RGS7: variants seen among roughly 807,000 people sequenced by gnomAD.
RGS7 encodes the protein regulator of G protein signaling 7, also known as regulator of G-protein signaling 7.
A neutral mutation model predicts 81.1 loss-of-function variants in RGS7; 27 were observed. The observed-to-expected ratio is 0.33, with a 90% CI of 0.25 to 0.46. RGS7 has a LOEUF of 0.46. Ranked by LOEUF, RGS7 falls within the 20% of genes least tolerant of loss-of-function variation. The pLI, the probability that RGS7 is intolerant of heterozygous loss-of-function variation, is 1.00. For missense variants in RGS7, 396 were observed against 607.4 expected, an observed-to-expected ratio of 0.65 and a Z score of 3.66; for synonymous variants, 208 against 207.7, an observed-to-expected ratio of 1.00 and a Z score of -0.01.
intron 3 of RGS7, among the ~76,000 whole-genome samples, chr1:241,072,779 C>CA (rs1409381610): frequency 6.6e-6 from 1 of 152,158 alleles, no homozygotes. Flanking sequence ...CACACGATAG[C>CA]ACCAGAGGCA....
At chr1:241,102,395 A>T (rs2064821410) in intron 2 of RGS7, among the ~76,000 whole-genome samples, 1 of 152,192 alleles carries the variant, frequency 6.6e-6, no homozygotes, top group Admixed American at 6.5e-5. Flanking sequence ...GGGGTGGGAC[A>T]CACCTCGTTG....
chr1:240,914,018 C>T (rs1411087925), intron 6 of RGS7, among the ~76,000 whole-genome samples: 1 of 150,856 alleles, frequency 6.6e-6, no homozygotes, highest in Non-Finnish European at 1.5e-5. Context: ...CCCATTAACT[C>T]GTCATCTAGC....
intron 2 of RGS7, among the ~76,000 whole-genome samples, chr1:241,110,672 T>C (rs2065448554): frequency 6.9e-6 from 1 of 145,806 alleles, no homozygotes; most frequent in Non-Finnish European, 1.5e-5. Flanking sequence ...TATTTTATTA[T>C]TGAGACAGGG....
At chr1:240,887,533 G>A (rs1233340174) in intron 6 of RGS7, among the ~76,000 whole-genome samples, 2 of 152,146 alleles carry the variant, frequency 1.3e-5, no homozygotes, top group Non-Finnish European at 2.9e-5. Context: ...TTTATATAGA[G>A]TTCTTTTTTA....
intron 3 of RGS7, among the ~76,000 whole-genome samples, chr1:241,072,141 T>A (rs1024724317): frequency 1.3e-5 from 2 of 152,106 alleles, no homozygotes; most frequent in Non-Finnish European, 2.9e-5. Context: ...GCACACCTGA[T>A]GAGTTAAGCC....
chr1:241,276,907 AAAAG>A (rs1377686062), intron 2 of RGS7, among the ~76,000 whole-genome samples: 2 of 152,238 alleles, frequency 1.3e-5, no homozygotes, highest in African/African-American at 4.8e-5. Flanking sequence ...AGTTAAAAAT[AAAAG>A]AGAGAGAGAA....
At chr1:241,155,360 A>G (rs553026316) in intron 2 of RGS7, among the ~76,000 whole-genome samples, 1 of 152,258 alleles carries the variant, frequency 6.6e-6, no homozygotes, top group Admixed American at 6.5e-5. Context: ...TGCCTCCCAA[A>G]GTGTTGGGAT....
At chr1:241,072,945 T>C (rs1387691716) in intron 3 of RGS7, among the ~76,000 whole-genome samples, 2 of 152,154 alleles carry the variant, frequency 1.3e-5, no homozygotes, top group Admixed American at 6.5e-5. Context: ...CCTGGGAGGC[T>C]GCATGGAGTA....
chr1:241,021,051 CTTCT>C (rs2059510925), intron 3 of RGS7, among the ~76,000 whole-genome samples: 1 of 152,146 alleles, frequency 6.6e-6, no homozygotes, highest in Admixed American at 6.5e-5. Flanking sequence ...ATTGGTAGAA[CTTCT>C]TATTAGTGTT....
At chr1:240,946,480 A>G (rs261794) in intron 4 of RGS7, among the ~76,000 whole-genome samples, 97,847 of 151,742 alleles carry the variant, frequency 0.64, 32,615 homozygotes, top group African/African-American at 0.8. Context: ...GGTGGTGCAC[A>G]CCTGTGGTCC....
At chr1:240,895,059 A>G (rs369804417) in intron 6 of RGS7, among the ~76,000 whole-genome samples, 22 of 152,090 alleles carry the variant, frequency 1.4e-4, no homozygotes, top group South Asian at 8.3e-4. Context: ...AGTTCTCGTG[A>G]GATCTGGTCA....
At chr1:240,876,249 C>A (rs1292090807) in intron 6 of RGS7, among the ~76,000 whole-genome samples, 1 of 152,146 alleles carries the variant, frequency 6.6e-6, no homozygotes, top group Non-Finnish European at 1.5e-5. Context: ...GCACTCTCAG[C>A]AGCCCCTTGA....
intron 2 of RGS7, among the ~76,000 whole-genome samples, chr1:241,295,897 G>T (rs530350119): frequency 1.3e-5 from 2 of 152,198 alleles, no homozygotes; most frequent in Admixed American, 6.5e-5. Context: ...GGTATAAACC[G>T]CCTGGGAGAA....
At chr1:241,316,420 AG>A (rs1278361945) in intron 2 of RGS7, among the ~76,000 whole-genome samples, 1 of 152,216 alleles carries the variant, frequency 6.6e-6, no homozygotes. Flanking sequence ...TCCAGTGACC[AG>A]TCCCCACATC....
chr1:241,261,110 A>C (rs997148257), intron 2 of RGS7, among the ~76,000 whole-genome samples: 3 of 152,112 alleles, frequency 2.0e-5, no homozygotes, highest in East Asian at 1.9e-4. Flanking sequence ...AACAAACAAA[A>C]AAAAACAAAC....
At chr1:240,887,121 T>C (rs933961210) in intron 6 of RGS7, among the ~76,000 whole-genome samples, 4 of 152,296 alleles carry the variant, frequency 2.6e-5, no homozygotes, top group African/African-American at 9.6e-5. Flanking sequence ...AATTACTAGA[T>C]ATATTGTACT....
intron 3 of RGS7, among the ~76,000 whole-genome samples, chr1:241,030,129 C>T (rs1406472003): frequency 6.6e-6 from 1 of 151,998 alleles, no homozygotes; most frequent in East Asian, 1.9e-4. Context: ...TGGCAATTTA[C>T]TTAAGGGAAT....
intron 2 of RGS7, among the ~76,000 whole-genome samples, chr1:241,236,332 T>C (rs1338571019): frequency 1.3e-5 from 2 of 152,198 alleles, no homozygotes; most frequent in Non-Finnish European, 2.9e-5. Flanking sequence ...ACATGCAATT[T>C]CGCAATTCAA....
rs143955390 is a variant in RGS7, at chr1:241,266,384, T to A, written c.78+89315A>T. On this transcript the variant is annotated intron_variant, in intron 2 of 18. Transcript: ENST00000440928. ...CAAAATAATTGGGTGCCTCATTAAA[T>A]CTGTTAGCTAACCCCCCTAAGATCA... Among the ~76,000 whole-genome samples the A allele has an allele frequency of 3.9e-4, 59 of 152,356 alleles. 1 individual carries two copies. In the East Asian group the frequency reaches 0.011, roughly 29 times the overall value.
Sources: gnomAD v4.1 joint callset for allele counts (sites outside exome capture counted in the v4.1 genomes callset) on GRCh38, gnomAD v4.1.1 for gene constraint, MANE v1.5 for transcripts, NCBI Gene and HGNC (gene_info 2026-07-23, HGNC 2026-07-21) for gene names.